Variants in PKHD1 observed in about 807,000 individuals in gnomAD.
The protein encoded by PKHD1 is fibrocystin.
Under a neutral mutation model 412.0 loss-of-function variants are expected in PKHD1, and 291 were observed. The observed-to-expected ratio is 0.71, with a 90% CI of 0.64 to 0.78. The LOEUF is 0.78. Among genes scored for constraint, PKHD1 ranks in the 30% least tolerant of loss-of-function variants. PKHD1 has a pLI of 0.00. For missense variants in PKHD1, 4,825 were observed against 4,950.7 expected, an observed-to-expected ratio of 0.97 and a Z score of 0.76; for synonymous variants, 1,777 against 1,821.5, an observed-to-expected ratio of 0.98 and a Z score of 0.62.
At chr6:51,636,023 T>C (rs1376234909) in intron 64 of PKHD1, among the ~76,000 whole-genome samples, 1 of 152,138 alleles carries the variant, frequency 6.6e-6, no homozygotes, top group Non-Finnish European at 1.5e-5. Flanking sequence ...GTGGAAAGGC[T>C]AGCTACGAAG....
chr6:52,048,806 T>C (rs1278595029), intron 22 of PKHD1, among the ~76,000 whole-genome samples, 187 bp from the exon 23 acceptor site: 2 of 152,156 alleles, frequency 1.3e-5, no homozygotes, highest in African/African-American at 4.8e-5. Context: ...GTAACTTAAT[T>C]CGTGTCTATC....
At chr6:51,688,133 C>G (rs976060500) in intron 60 of PKHD1, among the ~76,000 whole-genome samples, 3 of 152,192 alleles carry the variant, frequency 2.0e-5, no homozygotes, top group Non-Finnish European at 4.4e-5. Flanking sequence ...ATGAAGTGCA[C>G]AGAAAGAGAT....
chr6:51,908,157 T>C (rs1782403600), intron 40 of PKHD1, among the ~76,000 whole-genome samples: 1 of 152,156 alleles, frequency 6.6e-6, no homozygotes, highest in African/African-American at 2.4e-5. Context: ...GGAGAGGCCA[T>C]ATGCGGAGCC....
rs773051378 is a variant in PKHD1 at position 51,909,268 on chromosome 6, T to C, written c.6682+15A>G. The C allele has an allele frequency of 1.9e-6, 3 of 1,604,842 alleles. No homozygotes were observed. The highest frequency in any genetic ancestry group is 2.6e-6 in the Non-Finnish European group (3 of 1,171,872). On this transcript the variant is annotated intron_variant, in intron 40 of 66. Transcript: ENST00000371117. ...GAAAGAAACATGAGAAAGTCCTAGG[T>C]CCGGACCCCCTTACCTCTCATAGCT...
At chr6:51,812,560 G>T (rs946634054) in intron 52 of PKHD1, among the ~76,000 whole-genome samples, 4 of 152,102 alleles carry the variant, frequency 2.6e-5, no homozygotes, top group Admixed American at 1.3e-4. Flanking sequence ...GAGCAATAAG[G>T]TACTAAATTC....
chr6:51,739,583 T>C (rs1784301748), intron 60 of PKHD1, among the ~76,000 whole-genome samples: 1 of 152,210 alleles, frequency 6.6e-6, no homozygotes, highest in African/African-American at 2.4e-5. Context: ...TATTTGTTTA[T>C]GTACCTAACC....
At chr6:52,072,876 A>G (rs1251794644) in intron 7 of PKHD1, among the ~76,000 whole-genome samples, 2 of 152,312 alleles carry the variant, frequency 1.3e-5, no homozygotes, top group East Asian at 3.9e-4. Context: ...AGAGCTTCCT[A>G]CAGCCTCTAC....
intron 61 of PKHD1, among the ~76,000 whole-genome samples, chr6:51,653,120 A>G (rs1011039131): frequency 2.3e-4 from 35 of 152,118 alleles, no homozygotes; most frequent in Middle Eastern, 3.2e-3. Context: ...ACTATGTACA[A>G]ATGTTGTTCA....
At chr6:51,806,979 A>T (rs145484668) in intron 52 of PKHD1, among the ~76,000 whole-genome samples, 33 of 152,248 alleles carry the variant, frequency 2.2e-4, no homozygotes, top group African/African-American at 6.7e-4. Flanking sequence ...TTTAAAGAGG[A>T]GCCTGAGGAT....
intron 60 of PKHD1, among the ~76,000 whole-genome samples, chr6:51,672,857 T>C (rs1775224384): frequency 6.6e-6 from 1 of 152,234 alleles, no homozygotes; most frequent in Non-Finnish European, 1.5e-5. Context: ...GAATTATTCC[T>C]TGAAAGTATG....
intron 1 of PKHD1, among the ~76,000 whole-genome samples, chr6:52,085,497 C>T (rs1436752827): frequency 1.3e-5 from 2 of 152,090 alleles, no homozygotes; most frequent in South Asian, 2.1e-4. Context: ...TTCCTGGATG[C>T]CCTCAACTCT....
At chr6:52,073,281 C>T (rs988123385) in intron 7 of PKHD1, among the ~76,000 whole-genome samples, 182 bp downstream of exon 7, 5 of 152,164 alleles carry the variant, frequency 3.3e-5, no homozygotes, top group African/African-American at 1.2e-4. Context: ...CTTAATTGAC[C>T]AGTTGCAATT....
intron 60 of PKHD1, among the ~76,000 whole-genome samples, chr6:51,662,454 T>C (rs1271704329): frequency 6.6e-6 from 1 of 151,874 alleles, no homozygotes; most frequent in Non-Finnish European, 1.5e-5. Flanking sequence ...ATCCTAAATA[T>C]TTAAAATTTT....
At position 51,961,536 on chromosome 6, in the gene PKHD1, A is replaced by G. The variant is rs60514688; in HGVS notation, c.5752-1510T>C. ...AAAAGTAGGAGAGAATTTTAACTCT[A>G]GATGATTTCACTATAGGACTAGCTT... On this transcript the variant is annotated intron_variant, in intron 35 of 66. Transcript: ENST00000371117. Among the ~76,000 whole-genome samples, 965 of 152,242 alleles carry G rather than the reference A, an allele frequency of 6.3e-3. 8 individuals carry two copies. Among genetic ancestry groups the G allele is most frequent in the African/African-American group, 0.022 (894 of 41,558 alleles).
intron 60 of PKHD1, among the ~76,000 whole-genome samples, chr6:51,675,212 C>T (rs541751259): frequency 1.3e-5 from 2 of 152,144 alleles, no homozygotes; most frequent in Non-Finnish European, 2.9e-5. Flanking sequence ...GACTTCAGAG[C>T]TCAATCCTCA....
chr6:52,082,249 G>C, intron 4 of PKHD1, 143 bp downstream of exon 4: 1 of 808,488 alleles, frequency 1.2e-6, no homozygotes, highest in South Asian at 1.4e-5. Flanking sequence ...CTTTTAGAAA[G>C]CATATTCACA....
chr6:51,888,824 A>C (rs1006310131), intron 43 of PKHD1, among the ~76,000 whole-genome samples: 1 of 149,420 alleles, frequency 6.7e-6, no homozygotes, highest in Non-Finnish European at 1.5e-5. Context: ...TAAGGATCCC[A>C]AGCCTTCTCT....
chr6:51,664,621 T>C (rs1316931147), intron 60 of PKHD1, among the ~76,000 whole-genome samples: 1 of 152,220 alleles, frequency 6.6e-6, no homozygotes, highest in Non-Finnish European at 1.5e-5. Flanking sequence ...CTATGGCTCC[T>C]CTCTCTAGTT....
At chr6:51,989,252 C>T (rs1459087011) in intron 35 of PKHD1, among the ~76,000 whole-genome samples, 1 of 152,182 alleles carries the variant, frequency 6.6e-6, no homozygotes, top group Non-Finnish European at 1.5e-5. Context: ...TAATTAAAGC[C>T]ATACTCTTTT....
Sources: allele counts gnomAD v4.1 joint callset (sites outside exome capture counted in the v4.1 genomes callset), GRCh38; gene constraint gnomAD v4.1.1; transcripts MANE v1.5; gene names NCBI Gene and HGNC (gene_info 2026-07-23, HGNC 2026-07-21).